COL19A1: variants seen among roughly 807,000 people sequenced by gnomAD.
COL19A1 encodes collagen type XIX alpha 1 chain, also known as collagen alpha-1(XIX) chain.
A neutral mutation model predicts 190.2 loss-of-function variants in COL19A1; 159 were observed. The ratio of observed to expected loss-of-function variants is 0.84; its 90% CI spans 0.73 to 0.95. The LOEUF is 0.95. Among genes scored for constraint, COL19A1 ranks in the 40% least tolerant of loss-of-function variants. The probability of loss-of-function intolerance (pLI) is 0.00; values close to 1 mark genes in which losing one functional copy is unlikely to be tolerated. For synonymous variants in COL19A1, 509 were observed against 458.9 expected (o/e 1.11, Z -1.39); for missense variants, 1,418 against 1,431.9 (o/e 0.99, Z 0.16).
rs758617932 is a variant in COL19A1 at position 70,144,268 on chromosome 6, A to G, written c.1680+5A>G. On this transcript the variant is annotated splice_donor_5th_base_variant and intron_variant, in intron 24 of 50. Transcript: ENST00000620364. ...CAAGGCATTAAAGGAGAAAAGGTAT[A>G]GTTTACATTTTCCTCATTTTATATG... The G allele has an allele frequency of 6.2e-6, 10 of 1,611,138 alleles. No homozygotes were observed. The East Asian group carries it at 2.2e-4, about 36-fold the overall frequency.
At chr6:69,973,953 A>G (rs901047746) in intron 11 of COL19A1, 1 of 152,198 alleles carries the variant, frequency 6.6e-6, no homozygotes, top group African/African-American at 2.4e-5. Flanking sequence ...ACTGCACAGA[A>G]AACAGAGGTG....
chr6:69,901,518 A>T (rs930444338), intron 4 of COL19A1, among the ~76,000 whole-genome samples: 18 of 152,250 alleles, frequency 1.2e-4, no homozygotes, highest in African/African-American at 4.3e-4. Context: ...GTTAGGTGGG[A>T]CACTTCAGCA....
intron 3 of COL19A1, 115 bp from the exon 4 acceptor site, chr6:69,900,124 C>T (rs1770073919): frequency 1.5e-5 from 8 of 525,434 alleles, no homozygotes; most frequent in Non-Finnish European, 2.5e-5. Flanking sequence ...TGATCCCAAG[C>T]AGCAAGATTT....
At chr6:70,200,818 A>G (rs1266380051) in intron 49 of COL19A1, among the ~76,000 whole-genome samples, 2 of 152,200 alleles carry the variant, frequency 1.3e-5, no homozygotes, top group African/African-American at 4.8e-5. Flanking sequence ...ATATAACCTT[A>G]TAACCTATGA....
intron 7 of COL19A1, among the ~76,000 whole-genome samples, chr6:69,934,042 A>G (rs1260616346): frequency 1.3e-5 from 2 of 152,062 alleles, no homozygotes; most frequent in Non-Finnish European, 2.9e-5. Context: ...ACAATTTATG[A>G]TTCAAAAATA....
chr6:69,925,077 T>C (rs923060106), intron 4 of COL19A1, among the ~76,000 whole-genome samples: 12 of 151,972 alleles, frequency 7.9e-5, no homozygotes, highest in African/African-American at 2.4e-4. Flanking sequence ...TGTGCAGAAG[T>C]TCTTTAGTTT....
rs371129588 is a variant in COL19A1, at chr6:70,197,575, C to T, written c.3095-2033C>T. Among the ~76,000 whole-genome samples the T allele has an allele frequency of 8.7e-4, 133 of 152,230 alleles. 4 individuals carry two copies. The South Asian group carries it at 0.027, about 30-fold the overall frequency. On this transcript the variant is annotated intron_variant, in intron 48 of 50. Transcript: ENST00000620364. ...GTAATAAAGATATTATATGTACATT[C>T]AGTATGATGATTTGTAAAACTAAAA...
intron 48 of COL19A1, among the ~76,000 whole-genome samples, chr6:70,193,942 G>GT (rs961969645): frequency 2.0e-5 from 3 of 152,192 alleles, no homozygotes; most frequent in African/African-American, 7.2e-5. Flanking sequence ...TTTTCGGAAA[G>GT]TTTTTTCTCT....
chr6:69,964,870 C>T (rs1475870099), intron 11 of COL19A1, among the ~76,000 whole-genome samples: 4 of 152,048 alleles, frequency 2.6e-5, no homozygotes, highest in Non-Finnish European at 5.9e-5. Flanking sequence ...ATTACACCAA[C>T]CAAGTAAAAA....
At chr6:70,009,857 A>G (rs577837667) in intron 11 of COL19A1, among the ~76,000 whole-genome samples, 1 of 139,254 alleles carries the variant, frequency 7.2e-6, no homozygotes, top group East Asian at 1.9e-4. Flanking sequence ...TTTTTCAACA[A>G]CCCTTTTATA....
intron 2 of COL19A1, among the ~76,000 whole-genome samples, chr6:69,883,483 A>G (rs186186361): frequency 2.0e-5 from 3 of 152,336 alleles, no homozygotes; most frequent in Admixed American, 6.5e-5. Context: ...GAATATTGTC[A>G]TATTGTATTA....
At chr6:70,194,088 T>C (rs1210024250) in intron 48 of COL19A1, among the ~76,000 whole-genome samples, 1 of 152,242 alleles carries the variant, frequency 6.6e-6, no homozygotes, top group East Asian at 1.9e-4. Flanking sequence ...CAATAACAGC[T>C]AATGCTATCT....
intron 11 of COL19A1, among the ~76,000 whole-genome samples, chr6:69,993,924 G>A (rs1776760058): frequency 1.3e-5 from 2 of 150,576 alleles, no homozygotes; most frequent in Admixed American, 6.6e-5. Context: ...TTGATCTTTT[G>A]TATGTTTTTT....
intron 1 of COL19A1, among the ~76,000 whole-genome samples, chr6:69,867,907 T>C (rs1767576908): frequency 6.6e-6 from 1 of 151,954 alleles, no homozygotes; most frequent in Non-Finnish European, 1.5e-5. Flanking sequence ...CGGCCACAGC[T>C]TGAGATTGGG....
At chr6:70,058,200 T>C (rs143014992) in intron 14 of COL19A1, among the ~76,000 whole-genome samples, 1 of 151,978 alleles carries the variant, frequency 6.6e-6, no homozygotes, top group African/African-American at 2.4e-5. Context: ...TGGGAAAAGA[T>C]TATGATTAAA....
intron 11 of COL19A1, among the ~76,000 whole-genome samples, chr6:69,992,727 G>A (rs1776698383): frequency 6.6e-6 from 1 of 151,950 alleles, no homozygotes. Context: ...CTCTGAAAGG[G>A]ACAGTGTTCT....
chr6:69,883,725 A>G (rs930782039), intron 2 of COL19A1, among the ~76,000 whole-genome samples: 1 of 152,160 alleles, frequency 6.6e-6, no homozygotes, highest in Non-Finnish European at 1.5e-5. Context: ...TTGTTTTTGT[A>G]TTACCCAAGG....
At chr6:70,097,640 T>A (rs566604899) in intron 15 of COL19A1, among the ~76,000 whole-genome samples, 1 of 152,254 alleles carries the variant, frequency 6.6e-6, no homozygotes, top group South Asian at 2.1e-4. Context: ...GATATCTAAA[T>A]TATTGTCTAA....
At chr6:70,187,284 C>G (rs1181747008) in intron 46 of COL19A1, among the ~76,000 whole-genome samples, 1 of 152,144 alleles carries the variant, frequency 6.6e-6, no homozygotes, top group African/African-American at 2.4e-5. Context: ...TCCCTTCTCA[C>G]CATCCCGTGG....
Sources: allele counts gnomAD v4.1 joint callset (sites outside exome capture counted in the v4.1 genomes callset), GRCh38; gene constraint gnomAD v4.1.1; transcripts MANE v1.5; gene names NCBI Gene and HGNC (gene_info 2026-07-23, HGNC 2026-07-21).